CREB3L2: variants seen among roughly 807,000 people sequenced by gnomAD.
CREB3L2 encodes the protein cAMP responsive element binding protein 3 like 2, also known as cyclic AMP-responsive element-binding protein 3-like protein 2.
A neutral mutation model predicts 57.2 loss-of-function variants in CREB3L2; 23 were observed. That is an observed-to-expected ratio of 0.40 (90% CI 0.29 to 0.57). CREB3L2 has a LOEUF of 0.57. CREB3L2 is among the 20% of genes least tolerant of loss of function. The probability of loss-of-function intolerance (pLI) is 0.42; values close to 1 mark genes in which losing one functional copy is unlikely to be tolerated. For synonymous variants in CREB3L2, 268 were observed against 265.1 expected (o/e 1.01, Z -0.11); for missense variants, 628 against 634.7 (o/e 0.99, Z 0.11).
intron 8 of CREB3L2, among the ~76,000 whole-genome samples, chr7:137,888,475 G>A (rs1467119939): frequency 6.6e-6 from 1 of 151,910 alleles, no homozygotes; most frequent in Non-Finnish European, 1.5e-5. Flanking sequence ...TTTTCCTTCT[G>A]CACTGCCACT....
intron 8 of CREB3L2, among the ~76,000 whole-genome samples, chr7:137,894,898 T>C (rs1361710370): frequency 6.6e-6 from 1 of 152,090 alleles, no homozygotes; most frequent in Non-Finnish European, 1.5e-5. Flanking sequence ...GTGACCAAGT[T>C]CTCGTCCCCA....
rs886885640 is a variant in CREB3L2, at chr7:138,000,470, C to T, written c.102+1134G>A. Among the ~76,000 whole-genome samples the T allele has an allele frequency of 1.4e-4, 22 of 152,160 alleles. 1 individual carries two copies. Among genetic ancestry groups the T allele is most frequent in the African/African-American group, 4.3e-4 (18 of 41,428 alleles). On this transcript the variant is annotated intron_variant, in intron 1 of 11. Coordinates refer to ENST00000330387, the MANE Select transcript of CREB3L2 (RefSeq NM_194071.4). ...GCACTCTGCATTTTTTTTAAACAAG[C>T]CACTCTCAGCCACCACAAATACTTC...
At chr7:137,929,171 T>A (rs1305535466) in intron 1 of CREB3L2, among the ~76,000 whole-genome samples, 1 of 152,120 alleles carries the variant, frequency 6.6e-6, no homozygotes, top group Admixed American at 6.5e-5. Flanking sequence ...GCCCCCACCA[T>A]GCTTTGGACA....
intron 1 of CREB3L2, among the ~76,000 whole-genome samples, chr7:137,937,014 G>C (rs1230942544): frequency 6.6e-6 from 1 of 152,142 alleles, no homozygotes; most frequent in Non-Finnish European, 1.5e-5. Context: ...AGCAGAACCT[G>C]GGCTGGCAAC....
chr7:137,909,403 C>A (rs1207207765), intron 4 of CREB3L2, among the ~76,000 whole-genome samples: 2 of 152,190 alleles, frequency 1.3e-5, no homozygotes, highest in African/African-American at 4.8e-5. Flanking sequence ...AGGAATCCAA[C>A]CAGGCTTCCA....
chr7:137,993,192 A>G (rs1415315441), intron 1 of CREB3L2, among the ~76,000 whole-genome samples: 1 of 152,236 alleles, frequency 6.6e-6, no homozygotes, highest in African/African-American at 2.4e-5. Context: ...CTTAGGGGAT[A>G]GGTTGGAAAA....
chr7:137,926,969 T>A (rs1800479433), intron 2 of CREB3L2, among the ~76,000 whole-genome samples: 4 of 151,902 alleles, frequency 2.6e-5, no homozygotes, highest in African/African-American at 7.3e-5. Flanking sequence ...GGCAACATAG[T>A]GAGACCCCCA....
At chr7:137,917,562 A>G (rs1342417229) in intron 2 of CREB3L2, among the ~76,000 whole-genome samples, 2 of 152,236 alleles carry the variant, frequency 1.3e-5, no homozygotes, top group Admixed American at 6.5e-5. Flanking sequence ...TTTATTTTAC[A>G]TTCAAGAATG....
At chr7:137,986,620 C>T (rs932365655) in intron 1 of CREB3L2, among the ~76,000 whole-genome samples, 1 of 152,196 alleles carries the variant, frequency 6.6e-6, no homozygotes, top group African/African-American at 2.4e-5. Context: ...CTACCAACTG[C>T]CTTTTCCAGT....
At chr7:137,896,925 A>G (rs1563242994) in intron 8 of CREB3L2, among the ~76,000 whole-genome samples, 3 of 152,250 alleles carry the variant, frequency 2.0e-5, no homozygotes, top group Admixed American at 1.3e-4. Context: ...AAACTCACAG[A>G]AACAAGAGAA....
chr7:137,990,541 GTTAAGTTCC>G (rs748793151), intron 1 of CREB3L2, among the ~76,000 whole-genome samples: 40 of 152,236 alleles, frequency 2.6e-4, no homozygotes, highest in Non-Finnish European at 5.1e-4. Context: ...CAAGCAGCTT[GTTAAGTTCC>G]TCGAATTGGA....
intron 8 of CREB3L2, among the ~76,000 whole-genome samples, chr7:137,897,400 C>G (rs1189275836): frequency 6.6e-6 from 1 of 152,144 alleles, no homozygotes; most frequent in Non-Finnish European, 1.5e-5. Flanking sequence ...GACAGAGTCT[C>G]GCTCTGTCGC....
intron 8 of CREB3L2, among the ~76,000 whole-genome samples, chr7:137,890,285 TA>T (rs1799506115): frequency 6.6e-6 from 1 of 152,190 alleles, no homozygotes; most frequent in Non-Finnish European, 1.5e-5. Context: ...AAAATGCAGA[TA>T]ATAGATAAAA....
At chr7:137,896,192 G>A (rs975146636) in intron 8 of CREB3L2, among the ~76,000 whole-genome samples, 8 of 152,260 alleles carry the variant, frequency 5.3e-5, no homozygotes, top group Non-Finnish European at 8.8e-5. Flanking sequence ...AAAACAAAGA[G>A]AAAGGGGGAA....
intron 2 of CREB3L2, among the ~76,000 whole-genome samples, chr7:137,922,384 G>GTGTATATATA (rs1222708681): frequency 5.1e-5 from 1 of 19,582 alleles, no homozygotes; most frequent in Non-Finnish European, 8.3e-5. Context: ...ATATATATAT[G>GTGTATATATA]TATATATATA....
chr7:137,910,654 T>C (rs1799986185), intron 4 of CREB3L2, among the ~76,000 whole-genome samples: 1 of 152,126 alleles, frequency 6.6e-6, no homozygotes, highest in African/African-American at 2.4e-5. Flanking sequence ...CAGGAGTACC[T>C]AGAGCCACCC....
intron 1 of CREB3L2, among the ~76,000 whole-genome samples, chr7:137,966,712 G>T (rs1801413555): frequency 6.6e-6 from 1 of 152,158 alleles, no homozygotes; most frequent in Non-Finnish European, 1.5e-5. Context: ...CCATATGAGA[G>T]TTCATCAAAG....
At chr7:137,927,959 G>A (rs181366937) in intron 2 of CREB3L2, among the ~76,000 whole-genome samples, 191 bp downstream of exon 2, 19 of 152,132 alleles carry the variant, frequency 1.2e-4, no homozygotes, top group Non-Finnish European at 2.4e-4. Context: ...AAGGGAACCT[G>A]GGCAGTGTAG....
At chr7:137,901,479 G>T in intron 7 of CREB3L2, 57 bp from the exon 8 acceptor site, 1 of 1,134,826 alleles carries the variant, frequency 8.8e-7, no homozygotes. Flanking sequence ...ACTAAGCTAG[G>T]AGCTAGGGTG....
Sources: gnomAD v4.1 joint callset for allele counts (sites outside exome capture counted in the v4.1 genomes callset) on GRCh38, gnomAD v4.1.1 for gene constraint, MANE v1.5 for transcripts, NCBI Gene and HGNC (gene_info 2026-07-23, HGNC 2026-07-21) for gene names.